Variants in CCDC80 observed in about 807,000 individuals in gnomAD.
CCDC80 encodes coiled-coil domain-containing protein 80.
In CCDC80, 49 loss-of-function variants were observed where a neutral mutation model predicts 78.7. The ratio of observed to expected loss-of-function variants is 0.62; its 90% CI spans 0.50 to 0.79. The LOEUF is 0.79. CCDC80 is among the 30% of genes least tolerant of loss of function. The pLI is 0.00. For missense variants in CCDC80, 1,205 were observed against 1,198.6 expected (o/e 1.01, Z -0.08); for synonymous variants, 488 against 447.0 (o/e 1.09, Z -1.16).
rs753084073 is a variant in CCDC80 at position 112,640,642 on chromosome 3, G to T, written c.-327C>A. 6.6e-6 allele frequency: 1 copy of T among 152,318 alleles called. No individual in the cohort carries two copies. The highest frequency in any genetic ancestry group is 1.5e-5 in the Non-Finnish European group (1 of 68,138). 9.4% of individuals were successfully genotyped at this position (152,318 alleles called of 1,614,324 possible). A position where few individuals can be genotyped will look rare whatever the true frequency, so the allele number is the denominator to read the frequency against. On this transcript the variant is annotated 5_prime_UTR_variant, in exon 1 of 8. Transcript: ENST00000206423. ...CTCCATTTGTCTGCAGTTTCTCCTC[G>T]GTCTCGTGTGTCTGTGTGTGCCAGT...
intron 3 of CCDC80, 67 bp from the exon 4 acceptor site, chr3:112,619,171 G>T (rs1935813569): frequency 6.9e-7 from 1 of 1,440,066 alleles, no homozygotes; most frequent in Non-Finnish European, 9.2e-7. Flanking sequence ...AGGTGAATGG[G>T]TGAAGGCTTT....
At chr3:112,636,270 A>C (rs1316959069) in intron 2 of CCDC80, among the ~76,000 whole-genome samples, 1 of 152,168 alleles carries the variant, frequency 6.6e-6, no homozygotes, top group Non-Finnish European at 1.5e-5. Context: ...TTACTCTGAA[A>C]TCTGATTTCT....
chr3:112,603,058 A>G lies in CCDC80; in HGVS notation c.*2359T>C, dbSNP rs1559872694. The stretch of plus-strand genomic sequence containing the variant: ...AAGTTGAAATCAATGCTCATTTACC[A>G]TTTCCCCAAATCCTACGACTTTTCA... On this transcript the variant is annotated 3_prime_UTR_variant, in exon 8 of 8. Transcript: ENST00000206423. 4.6e-5 allele frequency: 7 copies of G among 152,172 alleles called. No individual in the cohort carries two copies. Among genetic ancestry groups the G allele is most frequent in the Non-Finnish European group, 1.0e-4 (7 of 68,032 alleles). The allele number at this position is 152,172 out of a possible 1,614,324, so 9.4% of individuals were successfully genotyped here.
In CCDC80 at chr3:112,639,338, A is replaced by C; in HGVS notation, c.568T>G (p.Phe190Val). ...AERHIQQIVLFHQAGEEGGKV... is the reference protein window; with the variant it reads ...AERHIQQIVLVHQAGEEGGKV... ...CCTCCTTCCTCACCTGCCTGGTGGAAGAGCACAATCTGTTGGATGTGCCTC... is the reference window on the plus strand; with the variant it reads ...CCTCCTTCCTCACCTGCCTGGTGGACGAGCACAATCTGTTGGATGTGCCTC... The change falls in exon 2 of 8, where the codon TTC (phenylalanine) becomes GTC (valine). Residue 190 changes from phenylalanine (F) to valine (V), a missense_variant. Physicochemically the swap from Phe to Val is conservative, Grantham distance 50. Coordinates refer to ENST00000206423, the MANE Select transcript of CCDC80 (RefSeq NM_199511.3). 1 of 1,614,132 alleles carries C rather than the reference A, an allele frequency of 6.2e-7. No homozygotes were observed. The highest frequency in any genetic ancestry group is 8.5e-7 in the Non-Finnish European group (1 of 1,180,010).
chr3:112,607,306 T>A, intron 6 of CCDC80, 50 bp from the exon 7 acceptor site: 1 of 1,392,402 alleles, frequency 7.2e-7, no homozygotes, highest in South Asian at 1.2e-5. Context: ...TTAGAAGTTA[T>A]CTTTTACTTC....
At chr3:112,631,940 T>C (rs1026046289) in intron 2 of CCDC80, among the ~76,000 whole-genome samples, 3 of 152,258 alleles carry the variant, frequency 2.0e-5, no homozygotes, top group African/African-American at 7.2e-5. Flanking sequence ...TGCTTTAGTT[T>C]ATTTTTCATG....
chr3:112,630,654 T>C (rs1936079286), intron 2 of CCDC80, among the ~76,000 whole-genome samples: 1 of 152,234 alleles, frequency 6.6e-6, no homozygotes, highest in African/African-American at 2.4e-5. Flanking sequence ...TTCATTATTC[T>C]CACTGGCTGA....
chr3:112,615,817 C>G (rs573735827), intron 5 of CCDC80, among the ~76,000 whole-genome samples: 53 of 152,252 alleles, frequency 3.5e-4, no homozygotes, highest in African/African-American at 1.3e-3. Context: ...TTACAAACGC[C>G]ATGGCAACGT....
At chr3:112,615,394 AGTTGGAGTGG>A (rs1243932561) in intron 5 of CCDC80, among the ~76,000 whole-genome samples, 1 of 152,038 alleles carries the variant, frequency 6.6e-6, no homozygotes, top group Non-Finnish European at 1.5e-5. Flanking sequence ...CACACAGTAT[AGTTGGAGTGG>A]TGTTGATACT....
In CCDC80 at chr3:112,611,059, G is replaced by A. The variant is rs143461719; in HGVS notation, c.2322-978C>T. ...CTCCCGAGTAGCTGGGACTACAGGC[G>A]CGTGCCACCACACCCGGCTAATTTT... On this transcript the variant is annotated intron_variant, in intron 5 of 7. Transcript: ENST00000206423. Among the ~76,000 whole-genome samples the A allele has an allele frequency of 2.9e-3, 438 of 151,720 alleles. 4 individuals are homozygous for A. Among genetic ancestry groups the A allele is most frequent in the African/African-American group, 0.01 (414 of 41,354 alleles).
Position 112,597,715 on chromosome 3 carries a change from T to C in CCDC80, c.*7702A>G, listed in dbSNP as rs1167432108. ...CCAATATGAAGTACTTGCTAAATCA[T>C]GTGGTGCGTGAAAGGAAGAGCAATG... On this transcript the variant is annotated 3_prime_UTR_variant, in exon 8 of 8. Coordinates refer to ENST00000206423, the MANE Select transcript of CCDC80 (RefSeq NM_199511.3). 1.3e-5 allele frequency: 2 copies of C among 152,158 alleles called. No individual in the cohort carries two copies. Among genetic ancestry groups the C allele is most frequent in the African/African-American group, 4.8e-5 (2 of 41,426 alleles). 9.4% of individuals were successfully genotyped at this position (152,158 alleles called of 1,614,324 possible). A position where few individuals can be genotyped will look rare whatever the true frequency, so the allele number is the denominator to read the frequency against.
chr3:112,621,497 T>G (rs1209274780), intron 3 of CCDC80, among the ~76,000 whole-genome samples: 1 of 152,214 alleles, frequency 6.6e-6, no homozygotes, highest in East Asian at 1.9e-4. Context: ...CCAGATCAGC[T>G]GAACCCTAGA....
intron 3 of CCDC80, among the ~76,000 whole-genome samples, chr3:112,625,938 C>A (rs572317976): frequency 6.6e-5 from 10 of 152,274 alleles, no homozygotes; most frequent in African/African-American, 2.4e-4. Flanking sequence ...AAAACCTACT[C>A]ATTTTTCAAG....
At position 112,630,154 on chromosome 3, in the gene CCDC80, G is replaced by A. The variant is rs1341067817; in HGVS notation, c.1994C>T (p.Pro665Leu). 1.2e-6 allele frequency: 2 copies of A among 1,613,928 alleles called. No homozygotes were observed. Among genetic ancestry groups the A allele is most frequent in the Non-Finnish European group, 1.7e-6 (2 of 1,179,862 alleles). ...RKISVITIFG[P>L]VNNSTMKIDH... ...GATTTTCATGGTGCTGTTGTTGACAGGGCCGAAGATGGTGATCACAGAGAT... is the reference window on the plus strand; with the variant it reads ...GATTTTCATGGTGCTGTTGTTGACAAGGCCGAAGATGGTGATCACAGAGAT... Residue 665 changes from proline to leucine, a missense_variant, in exon 3 of 8, where the codon CCT becomes CTT. Transcript: ENST00000206423.
intron 5 of CCDC80, among the ~76,000 whole-genome samples, chr3:112,615,370 T>C (rs941198870): frequency 6.6e-6 from 1 of 152,130 alleles, no homozygotes; most frequent in African/African-American, 2.4e-5. Context: ...GCTTGGTTTC[T>C]GGAACCCCTT....
At chr3:112,610,748 C>T (rs1935606377) in intron 5 of CCDC80, among the ~76,000 whole-genome samples, 1 of 152,024 alleles carries the variant, frequency 6.6e-6, no homozygotes. Context: ...TGATATTAAG[C>T]CTAGAACCAT....
chr3:112,617,775 C>G (rs1559877129), intron 4 of CCDC80, among the ~76,000 whole-genome samples: 1 of 152,268 alleles, frequency 6.6e-6, no homozygotes, highest in East Asian at 1.9e-4. Context: ...TTTGTGTTCC[C>G]CATTTCACAT....
intron 3 of CCDC80, among the ~76,000 whole-genome samples, chr3:112,622,596 G>A (rs1001720890): frequency 1.3e-5 from 2 of 152,132 alleles, no homozygotes; most frequent in Non-Finnish European, 2.9e-5. Flanking sequence ...CTCTGTTTAA[G>A]CTCACTAATG....
Position 112,639,662 on chromosome 3 carries a change from C to G in CCDC80, c.244G>C (p.Val82Leu), listed in dbSNP as rs1936301221. The change falls in exon 2 of 8, where the codon GTG becomes CTG. Residue 82 changes from valine (V) to leucine (L), a missense_variant. Transcript: ENST00000206423. The stretch of plus-strand genomic sequence containing the variant: ...TCTGTTGGGCGAGCTAGTCTCAACA[C>G]GGGCACACTCCTCCTTCTCTGGAGA... The part of the protein sequence containing the change: ...QPLQRRRSVP[V>L]LRLARPTEPP... 3 of 1,614,020 alleles carry G rather than the reference C, an allele frequency of 1.9e-6. No homozygotes were observed. Among genetic ancestry groups the G allele is most frequent in the Non-Finnish European group, 2.5e-6 (3 of 1,180,038 alleles).
Sources: gnomAD v4.1 joint callset for allele counts (sites outside exome capture counted in the v4.1 genomes callset) on GRCh38, gnomAD v4.1.1 for gene constraint, MANE v1.5 for transcripts, NCBI Gene and HGNC (gene_info 2026-07-23, HGNC 2026-07-21) for gene names.